Variants in FER1L6 observed in about 807,000 individuals in gnomAD.
The protein encoded by FER1L6 is fer-1-like protein 6.
A neutral mutation model predicts 219.2 loss-of-function variants in FER1L6; 177 were observed. The observed-to-expected ratio is 0.81, with a 90% confidence interval of 0.71 to 0.91. FER1L6 has a LOEUF of 0.91. Ranked by LOEUF, FER1L6 falls within the 40% of genes least tolerant of loss-of-function variation. FER1L6 has a pLI of 0.00. For missense variants in FER1L6, 2,153 were observed against 2,259.9 expected (o/e 0.95, Z 0.96); for synonymous variants, 768 against 824.3 (o/e 0.93, Z 1.17).
At chr8:123,974,454 G>C (rs778593185) in intron 7 of FER1L6, among the ~76,000 whole-genome samples, 2 of 151,736 alleles carry the variant, frequency 1.3e-5, no homozygotes, top group South Asian at 2.1e-4. Context: ...TGGCCAATAT[G>C]GTGAAGCCCC....
In FER1L6 at chr8:124,003,494, T is replaced by G. The variant is rs956014370; in HGVS notation, c.1700+147T>G. The stretch of plus-strand genomic sequence containing the variant: ...TTTTTTTTTTTTTGAGACGGAGTCT[T>G]GCTTGGTCACCAGACTGGAGTGCAG... On this transcript the variant is annotated intron_variant, in intron 13 of 40. Transcript: ENST00000522917. 9.0e-5 allele frequency: 56 copies of G among 624,154 alleles called. No individual in the cohort carries two copies. The Middle Eastern group carries it at 1.4e-3, about 15-fold the overall frequency. The allele number at this position is 624,154 out of a possible 1,614,324, so 38.7% of individuals were successfully genotyped here.
intron 1 of FER1L6, among the ~76,000 whole-genome samples, chr8:123,952,226 C>T (rs905767234): frequency 5.3e-5 from 8 of 152,296 alleles, no homozygotes; most frequent in African/African-American, 1.9e-4. Context: ...TCAGAGAAGT[C>T]CCAGGGCCAG....
chr8:123,951,284 T>TA (rs1384153778), intron 1 of FER1L6, among the ~76,000 whole-genome samples: 1 of 152,154 alleles, frequency 6.6e-6, no homozygotes, highest in African/African-American at 2.4e-5. Context: ...GGCACAGTTT[T>TA]AGAAAGCTAC....
At chr8:123,966,901 G>GGTCTACTAAAAATACA (rs1192315469) in intron 5 of FER1L6, among the ~76,000 whole-genome samples, 1 of 152,028 alleles carries the variant, frequency 6.6e-6, no homozygotes, top group African/African-American at 2.4e-5. Flanking sequence ...CTAACATGGT[G>GGTCTACTAAAAATACA]AAACCCCATC....
intron 21 of FER1L6, chr8:124,046,118 AT>A (rs1198925188): frequency 6.2e-5 from 30 of 484,260 alleles, no homozygotes; most frequent in African/African-American, 5.0e-4. Flanking sequence ...ACTGACTTCC[AT>A]TTAAATGGCA....
intron 22 of FER1L6, among the ~76,000 whole-genome samples, chr8:124,055,099 C>T (rs995435807): frequency 1.3e-5 from 2 of 152,132 alleles, no homozygotes; most frequent in Non-Finnish European, 2.9e-5. Flanking sequence ...TTTATCTCCA[C>T]ATCACACAGA....
chr8:123,975,444 T>G, intron 8 of FER1L6, 138 bp downstream of exon 8: 2 of 753,842 alleles, frequency 2.7e-6, no homozygotes, highest in Non-Finnish European at 4.2e-6. Flanking sequence ...TTCTGCTCTA[T>G]CAGACACCAA....
intron 38 of FER1L6, 21 bp from the exon 39 acceptor site, chr8:124,103,125 G>T (rs1232122634): frequency 6.2e-7 from 1 of 1,610,332 alleles, no homozygotes; most frequent in South Asian, 1.1e-5. Context: ...TTCCCTAACT[G>T]TTAGGGTCAT....
chr8:123,859,954 TTTATTA>T lies in FER1L6; in HGVS notation c.-8+7779_-8+7784del, dbSNP rs994053768. The stretch of plus-strand genomic sequence containing the variant: ...CATTTTATTTATTTATTTATTTATT[TTTATTA>T]TTATTATTACTATTATTATTATTAT... On this transcript the variant is annotated intron_variant, in intron 1 of 40. Transcript: ENST00000522917. Among the ~76,000 whole-genome samples the T allele has an allele frequency of 1.5e-4, 21 of 140,068 alleles. 1 individual carries two copies. Among genetic ancestry groups the T allele is most frequent in the African/African-American group, 4.0e-4 (15 of 37,402 alleles). 91.9% of individuals were successfully genotyped at this position (140,068 alleles called of 152,430 possible).
At chr8:123,856,771 A>G (rs563155929) in intron 1 of FER1L6, among the ~76,000 whole-genome samples, 1 of 152,196 alleles carries the variant, frequency 6.6e-6, no homozygotes, top group Admixed American at 6.5e-5. Context: ...CACAGAATTT[A>G]GTATCAAGTT....
At chr8:124,118,980 G>A in intron 40 of FER1L6, 36 bp downstream of exon 40, 1 of 1,548,002 alleles carries the variant, frequency 6.5e-7, no homozygotes. Context: ...TCAGAAATGG[G>A]AAGGGGCCTT....
At chr8:123,955,938 A>C (rs1440661063) in intron 1 of FER1L6, 54 bp from the exon 2 acceptor site, 5 of 1,509,914 alleles carry the variant, frequency 3.3e-6, no homozygotes, top group African/African-American at 2.8e-5. Flanking sequence ...CCTTCTCCTA[A>C]CACGTCTAAA....
chr8:123,868,967 T>C (rs189810801), intron 1 of FER1L6, among the ~76,000 whole-genome samples: 37 of 152,286 alleles, frequency 2.4e-4, no homozygotes, highest in African/African-American at 8.9e-4. Context: ...CTGTCATCTA[T>C]CAGGTTAGTC....
chr8:123,978,488 C>A (rs1323689179), intron 10 of FER1L6, among the ~76,000 whole-genome samples: 1 of 152,120 alleles, frequency 6.6e-6, no homozygotes, highest in Admixed American at 6.5e-5. Context: ...TCTTTATTTG[C>A]AAAACCCAAA....
intron 1 of FER1L6, among the ~76,000 whole-genome samples, chr8:123,884,178 A>G (rs1450310108): frequency 6.6e-6 from 1 of 152,186 alleles, no homozygotes; most frequent in East Asian, 1.9e-4. Context: ...CACAAAGAAC[A>G]CCATGTGTGT....
chr8:124,109,191 G>C (rs1822909963), intron 39 of FER1L6, among the ~76,000 whole-genome samples: 1 of 152,196 alleles, frequency 6.6e-6, no homozygotes, highest in Admixed American at 6.5e-5. Flanking sequence ...GACTGCAGCA[G>C]ATTTTACAGG....
intron 3 of FER1L6, among the ~76,000 whole-genome samples, chr8:123,964,248 G>A (rs892666707): frequency 1.3e-5 from 2 of 152,182 alleles, no homozygotes; most frequent in Non-Finnish European, 2.9e-5. Flanking sequence ...CAATGACTGG[G>A]GCTAACAATG....
intron 32 of FER1L6, among the ~76,000 whole-genome samples, chr8:124,076,907 C>G (rs1821319469): frequency 6.6e-6 from 1 of 152,226 alleles, no homozygotes; most frequent in African/African-American, 2.4e-5. Context: ...ACTTTGTCCT[C>G]AAGTTGTGCT....
chr8:124,075,733 A>G (rs1413535749), intron 31 of FER1L6, among the ~76,000 whole-genome samples: 1 of 152,226 alleles, frequency 6.6e-6, no homozygotes, highest in African/African-American at 2.4e-5. Context: ...TGCAACAGAT[A>G]TGTCACTAGA....
Sources: allele counts gnomAD v4.1 joint callset (sites outside exome capture counted in the v4.1 genomes callset), GRCh38; gene constraint gnomAD v4.1.1; transcripts MANE v1.5; gene names NCBI Gene and HGNC (gene_info 2026-07-23, HGNC 2026-07-21).